The following JPH1 variants were observed in gnomAD, a reference collection of about 807,000 sequenced individuals.
The protein encoded by JPH1 is junctophilin 1, also known as junctophilin-1.
In JPH1, 12 loss-of-function variants were observed where a neutral mutation model predicts 53.6. The ratio of observed to expected loss-of-function variants is 0.22; its 90% CI spans 0.14 to 0.36. The LOEUF (loss-of-function observed/expected upper bound fraction) is 0.36, where lower values mean the gene tolerates loss of function less well. Among genes scored for constraint, JPH1 ranks in the 10% least tolerant of loss-of-function variants. JPH1 has a pLI of 1.00. For missense variants in JPH1, 808 were observed against 905.5 expected (o/e 0.89, Z 1.38); for synonymous variants, 375 against 363.8 (o/e 1.03, Z -0.35).
intron 2 of JPH1, among the ~76,000 whole-genome samples, chr8:74,261,269 G>A (rs28714230): frequency 0.07 from 10,685 of 152,054 alleles, 943 homozygotes; most frequent in African/African-American, 0.2. Flanking sequence ...TATTAATACC[G>A]GTTCATCAAT....
At chr8:74,278,290 T>TCCTTGCCTTC (rs1806908313) in intron 2 of JPH1, among the ~76,000 whole-genome samples, 1 of 152,218 alleles carries the variant, frequency 6.6e-6, no homozygotes, top group Admixed American at 6.5e-5. Context: ...GACTTGCTTT[T>TCCTTGCCTTC]CCTTGCCTTC....
intron 2 of JPH1, among the ~76,000 whole-genome samples, chr8:74,306,104 G>A (rs755863397): frequency 2.6e-5 from 4 of 152,162 alleles, no homozygotes; most frequent in Non-Finnish European, 5.9e-5. Flanking sequence ...CCCATGTTAT[G>A]CGTAATGACC....
At chr8:74,269,215 C>T (rs1383445585) in intron 2 of JPH1, among the ~76,000 whole-genome samples, 3 of 152,208 alleles carry the variant, frequency 2.0e-5, no homozygotes, top group Non-Finnish European at 4.4e-5. Context: ...GCTTCTGATG[C>T]CGAACAGTAT....
At chr8:74,285,650 C>T (rs983665430) in intron 2 of JPH1, among the ~76,000 whole-genome samples, 9 of 152,056 alleles carry the variant, frequency 5.9e-5, no homozygotes, top group African/African-American at 2.2e-4. Context: ...ATTCAGTTTC[C>T]CTGGAGAATT....
At chr8:74,254,521 A>AC (rs1344783249) in intron 3 of JPH1, among the ~76,000 whole-genome samples, 3 of 152,068 alleles carry the variant, frequency 2.0e-5, no homozygotes, top group Non-Finnish European at 2.9e-5. Context: ...CCTATTCAAC[A>AC]TAGTGTTGGA....
intron 2 of JPH1, among the ~76,000 whole-genome samples, chr8:74,291,210 G>A (rs1479228852): frequency 2.0e-5 from 3 of 152,202 alleles, no homozygotes; most frequent in Non-Finnish European, 4.4e-5. Context: ...CAGAATGGGA[G>A]AAAATTTTTA....
chr8:74,321,385 G>T lies in JPH1; in HGVS notation c.-98C>A. ...TCGGGGGTGGGGGCCCGGCGGGCGA[G>T]CTCACGACAGCGCCCTGGGCAGCTC... On this transcript the variant is annotated 5_prime_UTR_variant, in exon 1 of 6. Transcript: ENST00000342232. The surrounding 1 kb of genome is among the most constrained non-coding windows in gnomAD (Gnocchi z 4.3). 1 of 1,207,230 alleles carries T rather than the reference G, an allele frequency of 8.3e-7. No individual in the cohort carries two copies. The highest frequency in any genetic ancestry group is 1.1e-6 in the Non-Finnish European group (1 of 914,780). The allele number at this position is 1,207,230 out of a possible 1,614,324, so 74.8% of individuals were successfully genotyped here. A position where few individuals can be genotyped will look rare whatever the true frequency, so the allele number is the denominator to read the frequency against.
At chr8:74,314,754 G>T in intron 2 of JPH1, 107 bp downstream of exon 2, 1 of 1,275,622 alleles carries the variant, frequency 7.8e-7, no homozygotes, top group Non-Finnish European at 1.1e-6. Context: ...TTTTTTAGTA[G>T]TTGTAGAAAG....
chr8:74,241,921 A>C (rs1055022201), intron 4 of JPH1, among the ~76,000 whole-genome samples: 2 of 152,172 alleles, frequency 1.3e-5, no homozygotes, highest in African/African-American at 4.8e-5. Context: ...TGATGGTAAG[A>C]CGCTAAAGAT....
intron 2 of JPH1, among the ~76,000 whole-genome samples, chr8:74,302,945 G>A (rs1807723716): frequency 7.6e-6 from 1 of 131,370 alleles, no homozygotes; most frequent in Non-Finnish European, 1.6e-5. Flanking sequence ...TGTTCCAGTA[G>A]GTTGCCAAGA....
chr8:74,315,565 C>G lies in JPH1; in HGVS notation c.435G>C (p.Gln145His). ...GGMRHGYGVR[Q>H]SVPYGMATVI... ...CCGTGGCCATGCCGTAGGGCACGCT[C>G]TGGCGCACGCCGTAGCCATGCCGCA... The change falls in exon 2 of 6, where the codon CAG (glutamine) becomes CAC (histidine). Residue 145 changes from glutamine (Q) to histidine (H), a missense_variant. Gln to His is a conservative substitution (Grantham distance 24, BLOSUM62 0). This residue lies in a region of JPH1 where 756 missense variants were observed against 811.9 expected (regional missense o/e 0.93). Transcript: ENST00000342232. This position sits in a 1 kb window ranked among gnomAD's most constrained non-coding sequence, Gnocchi z 6.3. The G allele has an allele frequency of 6.2e-7, 1 of 1,605,760 alleles. No individual in the cohort carries two copies. Among genetic ancestry groups the G allele is most frequent in the South Asian group, 1.1e-5 (1 of 90,850 alleles).
At chr8:74,313,046 C>T (rs989504109) in intron 2 of JPH1, among the ~76,000 whole-genome samples, 1 of 152,128 alleles carries the variant, frequency 6.6e-6, no homozygotes, top group Non-Finnish European at 1.5e-5. Flanking sequence ...CTCTGCATTG[C>T]CAGTCGCTTT....
rs562847899 is a variant in JPH1 at position 74,235,107 on chromosome 8, T to G, written c.*1944A>C. The G allele has an allele frequency of 6.6e-6, 1 of 152,408 alleles. No individual in the cohort carries two copies. The highest frequency in any genetic ancestry group is 1.9e-4 in the East Asian group (1 of 5,194). 9.4% of individuals were successfully genotyped at this position (152,408 alleles called of 1,614,324 possible). On this transcript the variant is annotated 3_prime_UTR_variant, in exon 6 of 6. Coordinates refer to ENST00000342232, the MANE Select transcript of JPH1 (RefSeq NM_020647.4). ...AGCATTACGCATTTTAAATGAACACTTAATAAGATTAAATATTTTATTATT... is the reference window on the plus strand; with the variant it reads ...AGCATTACGCATTTTAAATGAACACGTAATAAGATTAAATATTTTATTATT...
intron 2 of JPH1, among the ~76,000 whole-genome samples, chr8:74,286,892 A>G (rs560018688): frequency 3.9e-5 from 6 of 152,342 alleles, no homozygotes; most frequent in Admixed American, 1.3e-4. Context: ...AACTGAATTA[A>G]GCTTATAAAA....
At chr8:74,269,710 C>T (rs1435878800) in intron 2 of JPH1, among the ~76,000 whole-genome samples, 2 of 152,158 alleles carry the variant, frequency 1.3e-5, no homozygotes, top group African/African-American at 2.4e-5. Context: ...ATTACTTTTC[C>T]TTCTATAGAG....
intron 2 of JPH1, among the ~76,000 whole-genome samples, chr8:74,284,486 T>A (rs1212536768): frequency 1.3e-5 from 2 of 152,116 alleles, no homozygotes; most frequent in Admixed American, 1.3e-4. Flanking sequence ...CGGTGCACGG[T>A]GACAACTGTG....
chr8:74,318,561 G>A (rs865824419), intron 1 of JPH1, among the ~76,000 whole-genome samples: 1 of 152,138 alleles, frequency 6.6e-6, no homozygotes, highest in Non-Finnish European at 1.5e-5. Context: ...TAATATTCAG[G>A]GGGTTTCTAT....
At chr8:74,271,922 G>A (rs10504570) in intron 2 of JPH1, among the ~76,000 whole-genome samples, 1 of 152,036 alleles carries the variant, frequency 6.6e-6, no homozygotes, top group Non-Finnish European at 1.5e-5. Flanking sequence ...GCTGGAAAAC[G>A]GCATTTGTTC....
chr8:74,298,860 G>A (rs527511905), intron 2 of JPH1, among the ~76,000 whole-genome samples: 2 of 152,282 alleles, frequency 1.3e-5, no homozygotes, highest in Admixed American at 6.5e-5. Flanking sequence ...ATGAAGGCAC[G>A]AGAGACCTGT....
Sources: gnomAD v4.1 joint callset for allele counts (sites outside exome capture counted in the v4.1 genomes callset) on GRCh38, gnomAD v4.1.1 for gene constraint, gnomAD v4.1.1 regional missense constraint, Gnocchi (gnomAD v3.1) non-coding constraint, MANE v1.5 for transcripts, NCBI Gene and HGNC (gene_info 2026-07-23, HGNC 2026-07-21) for gene names.